The following OVOL3 variants were observed in gnomAD, a reference collection of about 807,000 sequenced individuals.
OVOL3 encodes putative transcription factor ovo-like protein 3.
In OVOL3, 15 loss-of-function variants were observed where a neutral mutation model predicts 13.6. That is an observed-to-expected ratio of 1.11 (90% CI 0.74 to 1.70). The LOEUF (loss-of-function observed/expected upper bound fraction) is 1.70, where lower values mean the gene tolerates loss of function less well. OVOL3 is among the 40% of genes most tolerant of loss of function. The pLI, the probability that OVOL3 is intolerant of heterozygous loss-of-function variation, is 0.00. For missense variants in OVOL3, 290 were observed against 280.6 expected, an observed-to-expected ratio of 1.03 and a Z score of -0.24; for synonymous variants, 102 against 108.5, an observed-to-expected ratio of 0.94 and a Z score of 0.37.
At chr19:36,112,419 C>T (rs970797392) in intron 2 of OVOL3, among the ~76,000 whole-genome samples, 3 of 152,040 alleles carry the variant, frequency 2.0e-5, no homozygotes, top group Non-Finnish European at 4.4e-5. Flanking sequence ...CGTGGGGAGG[C>T]TGAGGCACTA....
At chr19:36,111,751 T>C in intron 2 of OVOL3, 1 of 543,680 alleles carries the variant, frequency 1.8e-6, no homozygotes, top group Non-Finnish European at 3.5e-6. Flanking sequence ...CGATGGGAGA[T>C]AAGGGCTTTT....
At chr19:36,111,901 CT>C (rs919929496) in intron 2 of OVOL3, 8 of 455,380 alleles carry the variant, frequency 1.8e-5, no homozygotes, top group African/African-American at 1.4e-4. Context: ...AGCTTATATT[CT>C]GGTTGGGGCT....
chr19:36,111,340 C>T, intron 1 of OVOL3, 29 bp from the exon 2 acceptor site: 1 of 1,535,458 alleles, frequency 6.5e-7, no homozygotes, highest in Non-Finnish European at 8.7e-7. Context: ...AGGAGAGACG[C>T]AGTGTCACCA....
chr19:36,112,675 G>A (rs758572017), intron 2 of OVOL3, 85 bp from the exon 3 acceptor site: 85 of 1,284,666 alleles, frequency 6.6e-5, no homozygotes, highest in Non-Finnish European at 8.2e-5. Context: ...GGTGGCTCAG[G>A]ACACTCTGTA....
rs1255227142 is a variant in OVOL3, at chr19:36,113,649, C to A, written c.561C>A (p.His187Gln). Residue 187 changes from histidine (H) to glutamine (Q), a missense_variant, in exon 4 of 4, where the codon CAC (histidine) becomes CAA (glutamine). By Grantham distance (24) the His-to-Gln change is conservative (BLOSUM62 0). Transcript: ENST00000633214. ...PDTYAQHRAL[H>Q]RAA ...CCTACGCACAGCACCGCGCCCTGCA[C>A]CGCGCAGCCTGATACGGTGTGCCAG... The A allele has an allele frequency of 6.5e-7, 1 of 1,548,846 alleles. No homozygotes were observed. The highest frequency in any genetic ancestry group is 1.4e-5 in the African/African-American group (1 of 73,160).
chr19:36,111,857 A>G (rs964218116), intron 2 of OVOL3: 24 of 460,316 alleles, frequency 5.2e-5, no homozygotes, highest in Non-Finnish European at 9.6e-5. Context: ...TGTTATATTC[A>G]GCGGGAATAA....
At chr19:36,113,025 G>A in intron 3 of OVOL3, 61 bp downstream of exon 3, 3 of 1,474,140 alleles carry the variant, frequency 2.0e-6, no homozygotes, top group Non-Finnish European at 2.7e-6. Flanking sequence ...GAAGGAAATG[G>A]AGAGAGGTGC....
At chr19:36,111,643 C>T (rs1039977890) in intron 2 of OVOL3, 40 of 692,320 alleles carry the variant, frequency 5.8e-5, no homozygotes, top group Non-Finnish European at 9.2e-5. Flanking sequence ...GCACCAGGGC[C>T]GGCAGCCACA....
At chr19:36,113,406 C>T in intron 3 of OVOL3, 47 bp from the exon 4 acceptor site, 1 of 1,505,992 alleles carries the variant, frequency 6.6e-7, no homozygotes, top group Non-Finnish European at 8.9e-7. Context: ...AGTCCAGAGC[C>T]CATTGCCCTC....
At position 36,111,904 on chromosome 19, in the gene OVOL3, G is replaced by T. The variant is rs538971044; in HGVS notation, c.159+471G>T. 154 of 455,506 alleles carry T rather than the reference G, an allele frequency of 3.4e-4. 1 individual carries two copies. Among genetic ancestry groups the T allele is most frequent in the African/African-American group, 2.1e-3 (106 of 50,106 alleles). 28.2% of individuals were successfully genotyped at this position (455,506 alleles called of 1,614,324 possible). On this transcript the variant is annotated intron_variant, in intron 2 of 3. Transcript: ENST00000633214. ...ACAATTTTATGGAGCTTATATTCTG[G>T]TTGGGGCTGCATGTATAGACAATAA...
chr19:36,113,040 C>A, intron 3 of OVOL3, 76 bp downstream of exon 3: 2 of 1,402,410 alleles, frequency 1.4e-6, no homozygotes, highest in Non-Finnish European at 1.9e-6. Context: ...AGGTGCTGGG[C>A]TGTGGAGTGT....
In OVOL3 at chr19:36,112,743, C is replaced by G. The variant is rs981476527; in HGVS notation, c.160-17C>G. On this transcript the variant is annotated splice_polypyrimidine_tract_variant and intron_variant, in intron 2 of 3. Transcript: ENST00000633214. The stretch of plus-strand genomic sequence containing the variant: ...GGGGTCCAGCCAGAGAGGCTAATAA[C>G]TCCTGCATCCCTCCAGCAGCCCACA... The G allele has an allele frequency of 2.0e-6, 3 of 1,528,592 alleles. No homozygotes were observed. Among genetic ancestry groups the G allele is most frequent in the Non-Finnish European group, 2.6e-6 (3 of 1,142,554 alleles). The allele number at this position is 1,528,592 out of a possible 1,614,324, so 94.7% of individuals were successfully genotyped here. A position where few individuals can be genotyped will look rare whatever the true frequency, so the allele number is the denominator to read the frequency against.
In OVOL3 at chr19:36,111,429, C is replaced by G. The variant is rs1973814145; in HGVS notation, c.155C>G (p.Thr52Arg). ...QQSSSVRDPWTAQPTQGNLTS... is the reference protein window; with the variant it reads ...QQSSSVRDPWRAQPTQGNLTS... Reference sequence around the variant, plus strand: ...TCGTCCAGTGTCAGGGATCCGTGGACAGCGGTGAGTGTGTAACTGGCTAGC... The same window carrying G: ...TCGTCCAGTGTCAGGGATCCGTGGAGAGCGGTGAGTGTGTAACTGGCTAGC... Residue 52 changes from threonine (T) to arginine (R), a missense_variant, in exon 2 of 4, where the codon ACA (threonine) becomes AGA (arginine). Transcript: ENST00000633214. The G allele has an allele frequency of 1.3e-6, 2 of 1,535,968 alleles. No homozygotes were observed. The highest frequency in any genetic ancestry group is 1.7e-6 in the Non-Finnish European group (2 of 1,146,812).
chr19:36,111,612 T>C, intron 2 of OVOL3, 179 bp downstream of exon 2: 1 of 729,482 alleles, frequency 1.4e-6, no homozygotes. Flanking sequence ...GTGAGCTCTC[T>C]ACTGTTAGGT....
At position 36,113,673 on chromosome 19, in the gene OVOL3, A is replaced by G; in HGVS notation, c.*12A>G. The G allele has an allele frequency of 6.4e-7, 1 of 1,550,978 alleles. No individual in the cohort carries two copies. The highest frequency in any genetic ancestry group is 8.7e-7 in the Non-Finnish European group (1 of 1,146,418). On this transcript the variant is annotated 3_prime_UTR_variant, in exon 4 of 4. Transcript: ENST00000633214. Reference sequence around the variant, plus strand: ...ACCGCGCAGCCTGATACGGTGTGCCAGCGTCCTCCCCACGAGGCAAATAAA... The same window carrying G: ...ACCGCGCAGCCTGATACGGTGTGCCGGCGTCCTCCCCACGAGGCAAATAAA...
At chr19:36,112,356 CAA>C (rs1211269449) in intron 2 of OVOL3, among the ~76,000 whole-genome samples, 1 of 152,026 alleles carries the variant, frequency 6.6e-6, no homozygotes, top group Admixed American at 6.6e-5. Context: ...CCCATCTCTA[CAA>C]AAAATAAAAA....
rs1308200153 is a variant in OVOL3, at chr19:36,113,468, G to A, written c.380G>A (p.Arg127His). ...MRTHTGIRPFRCSACGKAFTQ... is the reference protein window; with the variant it reads ...MRTHTGIRPFHCSACGKAFTQ... ...ATCTGTGCAGGGATCCGGCCCTTCCGCTGCAGTGCTTGCGGGAAAGCGTTT... is the reference window on the plus strand; with the variant it reads ...ATCTGTGCAGGGATCCGGCCCTTCCACTGCAGTGCTTGCGGGAAAGCGTTT... Residue 127 changes from arginine (R) to histidine (H), a missense_variant, in exon 4 of 4, where the codon CGC (arginine) becomes CAC (histidine). Transcript: ENST00000633214. 1 of 1,535,150 alleles carries A rather than the reference G, an allele frequency of 6.5e-7. No homozygotes were observed. The highest frequency in any genetic ancestry group is 2.4e-5 in the East Asian group (1 of 40,870).
Position 36,111,179 on chromosome 19 carries a change from T to C in OVOL3, c.-24T>C, listed in dbSNP as rs1339200646. On this transcript the variant is annotated 5_prime_UTR_variant, in exon 1 of 4. Transcript: ENST00000633214. ...TGACAGCAGGTGGAAGCAGCCCCTG[T>C]GTGTGGAGAGCCTTCCGGAGGGCAT... 1 of 1,517,106 alleles carries C rather than the reference T, an allele frequency of 6.6e-7. No individual in the cohort carries two copies. The allele number at this position is 1,517,106 out of a possible 1,614,324, so 94.0% of individuals were successfully genotyped here.
rs1361334655 is a variant in OVOL3 at position 36,111,352 on chromosome 19, C to A, written c.95-17C>A. The A allele has an allele frequency of 2.0e-6, 3 of 1,535,678 alleles. No individual in the cohort carries two copies. In the South Asian group the frequency reaches 3.6e-5, roughly 18 times the overall value. On this transcript the variant is annotated splice_polypyrimidine_tract_variant and intron_variant, in intron 1 of 3. Coordinates refer to ENST00000633214, the MANE Select transcript of OVOL3 (RefSeq NM_001302757.2). ...GGCAGGAGAGACGCAGTGTCACCATCTGGCTTTTCTCCTCAGACTGCAGCA... is the reference window on the plus strand; with the variant it reads ...GGCAGGAGAGACGCAGTGTCACCATATGGCTTTTCTCCTCAGACTGCAGCA...
Sources: allele counts gnomAD v4.1 joint callset (sites outside exome capture counted in the v4.1 genomes callset), GRCh38; gene constraint gnomAD v4.1.1; transcripts MANE v1.5; gene names NCBI Gene and HGNC (gene_info 2026-07-23, HGNC 2026-07-21).